Variants in CACNA1D observed in about 807,000 individuals in gnomAD.
The protein encoded by CACNA1D is voltage-dependent L-type calcium channel subunit alpha-1D.
CACNA1D carries 55 observed loss-of-function variants against 257.1 expected under a neutral mutation model. The observed-to-expected ratio is 0.21, with a 90% CI of 0.17 to 0.27. The LOEUF (loss-of-function observed/expected upper bound fraction) is 0.27, where lower values mean the gene tolerates loss of function less well. Ranked by LOEUF, CACNA1D falls within the 10% of genes least tolerant of loss-of-function variation. The probability of loss-of-function intolerance (pLI) is 1.00; values close to 1 mark genes in which losing one functional copy is unlikely to be tolerated. For synonymous variants in CACNA1D, 980 were observed against 1,014.9 expected, an observed-to-expected ratio of 0.97 and a Z score of 0.65; for missense variants, 1,876 against 2,784.0, an observed-to-expected ratio of 0.67 and a Z score of 7.34.
At chr3:53,642,442 T>G (rs1007704872) in intron 3 of CACNA1D, among the ~76,000 whole-genome samples, 1 of 152,194 alleles carries the variant, frequency 6.6e-6, no homozygotes, top group African/African-American at 2.4e-5. Flanking sequence ...TTATTGCCCC[T>G]GGGATGAGAG....
intron 40 of CACNA1D, among the ~76,000 whole-genome samples, chr3:53,788,553 C>T (rs1453269899): frequency 2.0e-5 from 3 of 152,210 alleles, no homozygotes; most frequent in Non-Finnish European, 4.4e-5. Context: ...AGTCTCTGGT[C>T]CATCCATCCT....
chr3:53,674,171 A>T, intron 8 of CACNA1D: 1 of 384,142 alleles, frequency 2.6e-6, no homozygotes, highest in Non-Finnish European at 4.9e-6. Context: ...TTAGTACATA[A>T]CTCCTTGTCG....
chr3:53,534,257 G>A (rs1030814793), intron 3 of CACNA1D, among the ~76,000 whole-genome samples: 2 of 152,150 alleles, frequency 1.3e-5, no homozygotes, highest in Non-Finnish European at 2.9e-5. Context: ...TCGCCTCCCT[G>A]CCCCTCTCCC....
intron 21 of CACNA1D, among the ~76,000 whole-genome samples, chr3:53,742,548 G>A (rs888747441): frequency 1.2e-4 from 19 of 152,194 alleles, no homozygotes; most frequent in Non-Finnish European, 2.4e-4. Flanking sequence ...GAAAAGTGAT[G>A]TAGGTCCATA....
At chr3:53,657,767 C>CAA (rs1369934751) in intron 4 of CACNA1D, among the ~76,000 whole-genome samples, 2 of 152,192 alleles carry the variant, frequency 1.3e-5, no homozygotes, top group African/African-American at 4.8e-5. Flanking sequence ...GTCTGTATCT[C>CAA]AATCCACTGG....
intron 3 of CACNA1D, among the ~76,000 whole-genome samples, chr3:53,579,428 C>T (rs779873307): frequency 5.9e-5 from 9 of 152,152 alleles, no homozygotes; most frequent in Non-Finnish European, 1.2e-4. Context: ...TATTATAGGG[C>T]ACCCCAGTTA....
At position 53,781,580 on chromosome 3, in the gene CACNA1D, G is replaced by A; in HGVS notation, c.4705G>A (p.Ala1569Thr). The change falls in exon 39 of 48, where the codon GCT (alanine) becomes ACT (threonine). Residue 1569 changes from alanine to threonine, a missense_variant. This residue lies in a region of CACNA1D where 160 missense variants were observed against 236.6 expected (regional missense o/e 0.68). Transcript: ENST00000350061. ...KIKTEGNLEQANEELRAVIKK... is the reference protein window; with the variant it reads ...KIKTEGNLEQTNEELRAVIKK... ...TTTGAATCCAGGGAACCTGGAGCAA[G>A]CTAATGAAGAACTTCGGGCTGTGAT... is the stretch of plus-strand genomic sequence containing the variant. The A allele has an allele frequency of 1.2e-6, 2 of 1,613,278 alleles. No individual in the cohort carries two copies. The highest frequency in any genetic ancestry group is 1.7e-6 in the Non-Finnish European group (2 of 1,179,186).
chr3:53,695,108 C>T (rs1183934508), intron 8 of CACNA1D, among the ~76,000 whole-genome samples: 1 of 152,128 alleles, frequency 6.6e-6, no homozygotes, highest in Non-Finnish European at 1.5e-5. Flanking sequence ...CAAGAGCGTG[C>T]CAGGCTGTTG....
chr3:53,810,792 ACTGGTC>A, intron 47 of CACNA1D, among the ~76,000 whole-genome samples: 1 of 147,590 alleles, frequency 6.8e-6, no homozygotes, highest in Non-Finnish European at 1.5e-5. Flanking sequence ...AAAAACAAAA[ACTGGTC>A]ACCACCGTCA....
At chr3:53,809,445 G>C (rs940402962) in intron 46 of CACNA1D, 6 of 186,884 alleles carry the variant, frequency 3.2e-5, no homozygotes, top group Non-Finnish European at 6.8e-5. Context: ...AGCGTTCCCC[G>C]TCCCTCTCTG....
chr3:53,767,195 G>T (rs951872087), intron 30 of CACNA1D, among the ~76,000 whole-genome samples: 3 of 152,146 alleles, frequency 2.0e-5, no homozygotes, highest in Non-Finnish European at 4.4e-5. Flanking sequence ...AACTACTCGG[G>T]CCAGCTTTAC....
chr3:53,541,838 A>G (rs1575806671), intron 3 of CACNA1D, among the ~76,000 whole-genome samples: 1 of 152,140 alleles, frequency 6.6e-6, no homozygotes, highest in African/African-American at 2.4e-5. Flanking sequence ...GTCTTTTACC[A>G]TAAGTGGGTA....
intron 3 of CACNA1D, among the ~76,000 whole-genome samples, chr3:53,598,339 G>A (rs1188299665): frequency 6.6e-6 from 1 of 151,884 alleles, no homozygotes; most frequent in Non-Finnish European, 1.5e-5. Flanking sequence ...ACTTTAGGAG[G>A]CCCAGGAGGG....
At position 53,809,894 on chromosome 3, in the gene CACNA1D, G is replaced by T. The variant is rs1228016558; in HGVS notation, c.5872-84G>T. On this transcript the variant is annotated intron_variant, in intron 46 of 47. Transcript: ENST00000350061. ...CTGGACTGCCCCTGGCGAGCGCAGCGCCGGTGCTTGGTCTGTGCGCAGAAG... is the reference window on the plus strand; with the variant it reads ...CTGGACTGCCCCTGGCGAGCGCAGCTCCGGTGCTTGGTCTGTGCGCAGAAG... The T allele has an allele frequency of 2.3e-6, 3 of 1,293,914 alleles. No individual in the cohort carries two copies. The African/African-American group carries it at 4.4e-5, about 19-fold the overall frequency. The allele number at this position is 1,293,914 out of a possible 1,614,324, so 80.2% of individuals were successfully genotyped here. A position where few individuals can be genotyped will look rare whatever the true frequency, so the allele number is the denominator to read the frequency against.
intron 4 of CACNA1D, among the ~76,000 whole-genome samples, chr3:53,651,224 C>G (rs1483343149): frequency 1.3e-5 from 2 of 151,948 alleles, no homozygotes; most frequent in African/African-American, 2.4e-5. Flanking sequence ...ATAGACCAAC[C>G]CTGTTGGTGA....
At chr3:53,671,747 T>A (rs1181033094) in intron 7 of CACNA1D, among the ~76,000 whole-genome samples, 1 of 152,230 alleles carries the variant, frequency 6.6e-6, no homozygotes, top group East Asian at 1.9e-4. Flanking sequence ...TTTTTTAATG[T>A]TCACTTTCCC....
intron 3 of CACNA1D, among the ~76,000 whole-genome samples, chr3:53,592,582 A>G (rs1317225210): frequency 6.6e-6 from 1 of 152,148 alleles, no homozygotes; most frequent in African/African-American, 2.4e-5. Flanking sequence ...TCATAGGAGG[A>G]GGGAAGTAAC....
chr3:53,730,987 G>A, intron 16 of CACNA1D, 90 bp from the exon 17 acceptor site: 2 of 804,926 alleles, frequency 2.5e-6, no homozygotes, highest in Non-Finnish European at 4.2e-6. Flanking sequence ...GTCCTTCATT[G>A]GAGCATTATT....
At chr3:53,572,820 C>T (rs1488258947) in intron 3 of CACNA1D, among the ~76,000 whole-genome samples, 1 of 152,200 alleles carries the variant, frequency 6.6e-6, no homozygotes, top group Non-Finnish European at 1.5e-5. Context: ...TCCAGAGTGG[C>T]CTTTTAAAAA....
Sources: gnomAD v4.1 joint callset for allele counts (sites outside exome capture counted in the v4.1 genomes callset) on GRCh38, gnomAD v4.1.1 for gene constraint, gnomAD v4.1.1 regional missense constraint, MANE v1.5 for transcripts, NCBI Gene and HGNC (gene_info 2026-07-23, HGNC 2026-07-21) for gene names.